The following TMEM19 variants were observed in gnomAD, a reference collection of about 807,000 sequenced individuals.
TMEM19 encodes the protein transmembrane protein 19.
A neutral mutation model predicts 33.6 loss-of-function variants in TMEM19; 21 were observed. The observed-to-expected ratio is 0.62, with a 90% CI of 0.44 to 0.90. TMEM19 has a LOEUF of 0.90. TMEM19 is among the 40% of genes least tolerant of loss of function. The pLI is 0.00. For missense variants in TMEM19, 402 were observed against 401.8 expected (o/e 1.00, Z 0.00); for synonymous variants, 149 against 147.5 (o/e 1.01, Z -0.07).
intron 1 of TMEM19, 96 bp downstream of exon 1, chr12:71,686,906 G>A: frequency 8.0e-7 from 1 of 1,254,514 alleles, no homozygotes; most frequent in South Asian, 1.6e-5. Context: ...CCTCTGAATG[G>A]TTATGAATGG....
rs1363435164 is a variant in TMEM19, at chr12:71,696,562, A to T, written c.371A>T (p.Glu124Val). 3 of 1,599,474 alleles carry T rather than the reference A, an allele frequency of 1.9e-6. No individual in the cohort carries two copies. Among genetic ancestry groups the T allele is most frequent in the Non-Finnish European group, 2.6e-6 (3 of 1,174,546 alleles). Residue 124 changes from glutamate to valine, a missense_variant, in exon 3 of 6, where the codon GAA becomes GTA. Physicochemically the swap from Glu to Val is moderately radical, Grantham distance 121. Coordinates refer to ENST00000266673, the MANE Select transcript of TMEM19 (RefSeq NM_018279.4). ...KGEVKKRLDS[E>V]YKEGGQRNWV... ...GAAGTGAAGAAGCGTCTAGATTCAG[A>T]ATATAAGGAAGGTAAAATTATGTTT...
intron 2 of TMEM19, among the ~76,000 whole-genome samples, chr12:71,694,417 G>A (rs1248495349): frequency 6.6e-6 from 1 of 152,214 alleles, no homozygotes; most frequent in Non-Finnish European, 1.5e-5. Context: ...TCTTTCTGAA[G>A]TAGAAGCCTC....
intron 2 of TMEM19, among the ~76,000 whole-genome samples, chr12:71,694,066 A>G (rs1298389001): frequency 6.6e-6 from 1 of 152,224 alleles, no homozygotes; most frequent in African/African-American, 2.4e-5. Context: ...TAGTGTGTCT[A>G]GGATTTAGAA....
chr12:71,694,746 C>T (rs1216910147), intron 2 of TMEM19, among the ~76,000 whole-genome samples: 3 of 152,200 alleles, frequency 2.0e-5, no homozygotes, highest in Non-Finnish European at 4.4e-5. Flanking sequence ...TTTTGGCCTT[C>T]ACTTTCTACA....
chr12:71,686,766 C>T lies in TMEM19; in HGVS notation c.86C>T (p.Ser29Leu), dbSNP rs1565849069. Residue 29 changes from serine to leucine, a missense_variant, in exon 1 of 6, where the codon TCG becomes TTG. Physicochemically the swap from Ser to Leu is moderately radical, Grantham distance 145 (BLOSUM62 -2). Coordinates refer to ENST00000266673, the MANE Select transcript of TMEM19 (RefSeq NM_018279.4). ...ATACTGAGCCTGATCATTTGCATTT[C>T]GTTAGCTTTCTGGATTATATCAATG... ...IVILSLIICI[S>L]LAFWIISMTA... 2.5e-6 allele frequency: 4 copies of T among 1,612,530 alleles called. No individual in the cohort carries two copies. The highest frequency in any genetic ancestry group is 1.7e-5 in the Admixed American group (1 of 59,896).
chr12:71,699,404 T>C, intron 5 of TMEM19: 1 of 536,074 alleles, frequency 1.9e-6, no homozygotes, highest in Non-Finnish European at 3.3e-6. Flanking sequence ...AGCAAGACGT[T>C]TGGGATCAGA....
chr12:71,687,017 ATTTC>A (rs1329107392), intron 1 of TMEM19, among the ~76,000 whole-genome samples: 1 of 146,874 alleles, frequency 6.8e-6, no homozygotes, highest in African/African-American at 2.5e-5. Context: ...AGTTATACCT[ATTTC>A]TTTTTTTTTT....
intron 2 of TMEM19, 128 bp from the exon 3 acceptor site, chr12:71,696,307 TA>T: frequency 1.2e-6 from 1 of 819,822 alleles, no homozygotes; most frequent in Non-Finnish European, 1.7e-6. Flanking sequence ...ATTTAATTGG[TA>T]AAATGCAAAT....
rs1258130630 is a variant in TMEM19 at position 71,702,069 on chromosome 12, T to C, written c.*1074T>C. On this transcript the variant is annotated 3_prime_UTR_variant, in exon 6 of 6. Transcript: ENST00000266673. ...TTTCTCATGTGATTTCTGTACCTTC[T>C]TCCTCCTGCCCCTTTTGCTTTTTTA... The C allele has an allele frequency of 6.6e-6, 1 of 152,238 alleles. No individual in the cohort carries two copies. The highest frequency in any genetic ancestry group is 1.5e-5 in the Non-Finnish European group (1 of 68,042). 9.4% of individuals were successfully genotyped at this position (152,238 alleles called of 1,614,324 possible).
chr12:71,692,857 T>C (rs1335985980), intron 2 of TMEM19, among the ~76,000 whole-genome samples: 4 of 152,042 alleles, frequency 2.6e-5, no homozygotes, highest in Non-Finnish European at 5.9e-5. Context: ...TTTTCCTAAT[T>C]ATTTCATTCT....
At chr12:71,696,703 C>A in intron 3 of TMEM19, 130 bp downstream of exon 3, 1 of 741,666 alleles carries the variant, frequency 1.3e-6, no homozygotes. Context: ...CTGGAGTGCA[C>A]TGGCGCAATC....
intron 4 of TMEM19, among the ~76,000 whole-genome samples, chr12:71,698,499 G>A (rs1160166946): frequency 2.6e-5 from 4 of 152,178 alleles, no homozygotes; most frequent in African/African-American, 9.6e-5. Flanking sequence ...AACTACTAGA[G>A]AGGCTGAGAT....
rs1947764910 is a variant in TMEM19, at chr12:71,686,392, G to A, written c.-289G>A. 3.3e-6 allele frequency: 1 copy of A among 301,502 alleles called. No individual in the cohort carries two copies. Among genetic ancestry groups the A allele is most frequent in the Non-Finnish European group, 6.2e-6 (1 of 162,518 alleles). The allele number at this position is 301,502 out of a possible 1,614,324, so 18.7% of individuals were successfully genotyped here. ...CTTTCTCTTTTCCCCGTGGGCTCCG[G>A]CGTGAGGCGCTGAAGCGGCCGGCAG... On this transcript the variant is annotated 5_prime_UTR_variant, in exon 1 of 6. Coordinates refer to ENST00000266673, the MANE Select transcript of TMEM19 (RefSeq NM_018279.4).
chr12:71,698,865 T>C, intron 4 of TMEM19, 35 bp from the exon 5 acceptor site: 1 of 1,602,318 alleles, frequency 6.2e-7, no homozygotes, highest in South Asian at 1.1e-5. Context: ...TTGCTGATTA[T>C]TAACCGGATG....
In TMEM19 at chr12:71,701,141, T is replaced by C. The variant is rs1463635919; in HGVS notation, c.*146T>C. On this transcript the variant is annotated 3_prime_UTR_variant, in exon 6 of 6. Transcript: ENST00000266673. ...ATTGAGATGGGATTTCACATTTTCC[T>C]CTCATCAACTCCCCTGTAATAGCTA... The C allele has an allele frequency of 1.1e-5, 8 of 732,554 alleles. No individual in the cohort carries two copies. Among genetic ancestry groups the C allele is most frequent in the Non-Finnish European group, 1.7e-5 (8 of 477,046 alleles). The allele number at this position is 732,554 out of a possible 1,614,324, so 45.4% of individuals were successfully genotyped here.
At position 71,686,140 on chromosome 12, in the gene TMEM19, C is replaced by A. The variant is rs868071929; in HGVS notation, c.-541C>A. The A allele has an allele frequency of 6.1e-4, 95 of 156,726 alleles. 1 individual carries two copies. Among genetic ancestry groups the A allele is most frequent in the Admixed American group, 9.8e-4 (15 of 15,328 alleles). 9.7% of individuals were successfully genotyped at this position (156,726 alleles called of 1,614,324 possible). On this transcript the variant is annotated 5_prime_UTR_variant, in exon 1 of 6. The change creates a new upstream start codon in the 5' untranslated region. Transcript: ENST00000266673. ...GCGCCGGGAGGCGCGGGCTTTGCTCCTGGGGTCTCGGCCTTGGCCGGCTGG... is the reference window on the plus strand; with the variant it reads ...GCGCCGGGAGGCGCGGGCTTTGCTCATGGGGTCTCGGCCTTGGCCGGCTGG...
chr12:71,686,443 CG>C lies in TMEM19; in HGVS notation c.-235del. 2.7e-6 allele frequency: 1 copy of C among 376,138 alleles called. No individual in the cohort carries two copies. Among genetic ancestry groups the C allele is most frequent in the South Asian group, 2.9e-5 (1 of 34,954 alleles). 23.3% of individuals were successfully genotyped at this position (376,138 alleles called of 1,614,324 possible). On this transcript the variant is annotated 5_prime_UTR_variant, in exon 1 of 6. Transcript: ENST00000266673. The stretch of plus-strand genomic sequence containing the variant: ...CCGGCGACCGGCCCTCACCGTCCGC[CG>C]GGTTGCGCTCTGCTTTTGCGGTGAG...
intron 2 of TMEM19, among the ~76,000 whole-genome samples, chr12:71,693,047 T>C (rs1881810235): frequency 6.6e-6 from 1 of 151,630 alleles, no homozygotes. Flanking sequence ...ATACAAATAT[T>C]AGCCAGGCAT....
chr12:71,689,677 A>C lies in TMEM19; in HGVS notation c.217A>C (p.Ser73Arg), dbSNP rs1881751736. 1 of 1,613,896 alleles carries C rather than the reference A, an allele frequency of 6.2e-7. No individual in the cohort carries two copies. Among genetic ancestry groups the C allele is most frequent in the Admixed American group, 1.7e-5 (1 of 59,998 alleles). ...LIVSNGLKKK[S>R]LDHSGALGGL... ...CGTCTCTAATGGCCTTAAAAAGAAA[A>C]GTCTAGATCACAGTGGGGCTCTAGG... The change falls in exon 2 of 6, where the codon AGT (serine) becomes CGT (arginine). Residue 73 changes from serine to arginine, a missense_variant. Coordinates refer to ENST00000266673, the MANE Select transcript of TMEM19 (RefSeq NM_018279.4).
Sources: gnomAD v4.1 joint callset for allele counts (sites outside exome capture counted in the v4.1 genomes callset) on GRCh38, gnomAD v4.1.1 for gene constraint, MANE v1.5 for transcripts, NCBI Gene and HGNC (gene_info 2026-07-23, HGNC 2026-07-21) for gene names.